The following STAU2 variants were observed in gnomAD, a reference collection of about 807,000 sequenced individuals.
STAU2 encodes double-stranded RNA-binding protein Staufen homolog 2.
A neutral mutation model predicts 65.9 loss-of-function variants in STAU2; 20 were observed. That is an observed-to-expected ratio of 0.30 (90% CI 0.21 to 0.44). The LOEUF (loss-of-function observed/expected upper bound fraction) is 0.44. Ranked by LOEUF, STAU2 falls within the 20% of genes least tolerant of loss-of-function variation. The pLI is 1.00. For synonymous variants in STAU2, 232 were observed against 233.9 expected, an observed-to-expected ratio of 0.99 and a Z score of 0.07; for missense variants, 558 against 683.9, an observed-to-expected ratio of 0.82 and a Z score of 2.05.
chr8:73,544,251 T>C (rs1249521820), intron 13 of STAU2, among the ~76,000 whole-genome samples: 1 of 152,198 alleles, frequency 6.6e-6, no homozygotes, highest in Non-Finnish European at 1.5e-5. Context: ...CCCAACAGCT[T>C]TGTCTTAACT....
chr8:73,522,222 G>A (rs73326747), intron 13 of STAU2, among the ~76,000 whole-genome samples: 15,440 of 152,116 alleles, frequency 0.1, 1,221 homozygotes, highest in East Asian at 0.45. Context: ...GTAATTAGAA[G>A]GTGACTAATG....
At chr8:73,547,304 T>C (rs1807000348) in intron 13 of STAU2, among the ~76,000 whole-genome samples, 1 of 152,164 alleles carries the variant, frequency 6.6e-6, no homozygotes, top group Non-Finnish European at 1.5e-5. Flanking sequence ...CTGTTACTCA[T>C]TGTAGTTTTT....
Position 73,485,141 on chromosome 8 carries a change from C to CTTT in STAU2, c.1531-62442_1531-62440dup, listed in dbSNP as rs10524978. Among the ~76,000 whole-genome samples the CTTT allele has an allele frequency of 4.7e-4, 39 of 82,852 alleles. 2 individuals are homozygous for CTTT. Among genetic ancestry groups the CTTT allele is most frequent in the Non-Finnish European group, 6.6e-4 (31 of 47,232 alleles). 54.4% of individuals were successfully genotyped at this position (82,852 alleles called of 152,430 possible). ...TTACCCTGAGAACTACATCCTTACT[C>CTTT]TTTTTTTTTTTTTTTTTTTTTTTTT... On this transcript the variant is annotated intron_variant, in intron 13 of 14. Coordinates refer to ENST00000524300, the MANE Select transcript of STAU2 (RefSeq NM_001164380.2).
chr8:73,485,540 C>T (rs1261402578), intron 13 of STAU2, among the ~76,000 whole-genome samples: 2 of 152,000 alleles, frequency 1.3e-5, no homozygotes, highest in South Asian at 2.1e-4. Context: ...AAGGTGGCTA[C>T]TGCAATGGGA....
intron 13 of STAU2, among the ~76,000 whole-genome samples, chr8:73,529,312 G>T (rs1284638206): frequency 6.6e-6 from 1 of 152,168 alleles, no homozygotes; most frequent in Non-Finnish European, 1.5e-5. Flanking sequence ...AATAAATGCT[G>T]GCACTAAAAT....
chr8:73,436,320 T>C (rs1817675728), intron 13 of STAU2, among the ~76,000 whole-genome samples: 1 of 151,852 alleles, frequency 6.6e-6, no homozygotes, highest in East Asian at 1.9e-4. Context: ...GACGTTTTTC[T>C]TGGGACATTT....
intron 12 of STAU2, among the ~76,000 whole-genome samples, chr8:73,567,940 T>A (rs1016426587): frequency 3.3e-5 from 5 of 152,172 alleles, no homozygotes; most frequent in African/African-American, 4.8e-5. Flanking sequence ...TAAAAACTAC[T>A]GAAATCATCA....
chr8:73,605,073 GA>G (rs1363335984), intron 9 of STAU2, among the ~76,000 whole-genome samples: 1 of 151,982 alleles, frequency 6.6e-6, no homozygotes, highest in East Asian at 1.9e-4. Flanking sequence ...ATATAGCAGT[GA>G]AAATGAATTA....
chr8:73,681,225 G>A (rs1391650756), intron 5 of STAU2, among the ~76,000 whole-genome samples: 1 of 151,976 alleles, frequency 6.6e-6, no homozygotes, highest in East Asian at 1.9e-4. Context: ...AAAAGCACCA[G>A]GTAACCTATA....
At chr8:73,599,830 C>T (rs1216984390) in intron 10 of STAU2, among the ~76,000 whole-genome samples, 1 of 151,920 alleles carries the variant, frequency 6.6e-6, no homozygotes, top group Non-Finnish European at 1.5e-5. Context: ...TGCAGTGGCG[C>T]AAACTCGGCT....
chr8:73,681,751 T>C (rs1013054609), intron 5 of STAU2, among the ~76,000 whole-genome samples: 21 of 152,030 alleles, frequency 1.4e-4, no homozygotes, highest in Non-Finnish European at 3.1e-4. Context: ...ACATAAGGAC[T>C]CACATAAACT....
At chr8:73,724,242 T>G (rs992564462) in intron 3 of STAU2, among the ~76,000 whole-genome samples, 1 of 152,178 alleles carries the variant, frequency 6.6e-6, no homozygotes, top group African/African-American at 2.4e-5. Context: ...TTTTGTTTTT[T>G]TGGAGAAGAG....
Position 73,616,338 on chromosome 8 carries a change from A to G in STAU2, c.571-556T>C, listed in dbSNP as rs534780965. Among the ~76,000 whole-genome samples the G allele has an allele frequency of 2.6e-5, 4 of 152,340 alleles. No individual in the cohort carries two copies. The East Asian group carries it at 5.8e-4, about 22-fold the overall frequency. On this transcript the variant is annotated intron_variant, in intron 7 of 14. Transcript: ENST00000524300. ...ATTCCTTGCTGTCAAGAACTGGGAGAGAATGATCTAGTGGGAAAACAGATC... is the reference window on the plus strand; with the variant it reads ...ATTCCTTGCTGTCAAGAACTGGGAGGGAATGATCTAGTGGGAAAACAGATC...
chr8:73,483,422 G>T (rs565039584), intron 13 of STAU2, among the ~76,000 whole-genome samples: 17 of 152,168 alleles, frequency 1.1e-4, no homozygotes, highest in African/African-American at 3.4e-4. Context: ...TCTTATCTAT[G>T]ATTTCAAAGG....
intron 6 of STAU2, among the ~76,000 whole-genome samples, chr8:73,646,425 C>T (rs1815377012): frequency 6.6e-6 from 1 of 152,202 alleles, no homozygotes; most frequent in African/African-American, 2.4e-5. Flanking sequence ...CAGACCCACA[C>T]TAGTGTGGCC....
At chr8:73,579,735 C>T (rs1379156989) in intron 12 of STAU2, among the ~76,000 whole-genome samples, 2 of 152,034 alleles carry the variant, frequency 1.3e-5, no homozygotes, top group Non-Finnish European at 2.9e-5. Flanking sequence ...AGGATAAAAA[C>T]ACACTTAGAA....
intron 12 of STAU2, among the ~76,000 whole-genome samples, chr8:73,578,775 A>G (rs1809768750): frequency 6.6e-6 from 1 of 152,206 alleles, no homozygotes; most frequent in Admixed American, 6.5e-5. Flanking sequence ...GTCTAAAGAA[A>G]TAATTAAGTT....
intron 13 of STAU2, among the ~76,000 whole-genome samples, chr8:73,538,916 TC>T (rs1806350558): frequency 6.6e-6 from 1 of 152,126 alleles, no homozygotes; most frequent in South Asian, 2.1e-4. Flanking sequence ...CTCAACTTTC[TC>T]CCCTATCATT....
intron 4 of STAU2, 141 bp from the exon 5 acceptor site, chr8:73,688,954 A>G: frequency 1.0e-6 from 1 of 958,908 alleles, no homozygotes. Context: ...CTGCAACAAA[A>G]TCTTACTCTA....
Sources: allele counts gnomAD v4.1 joint callset (sites outside exome capture counted in the v4.1 genomes callset), GRCh38; gene constraint gnomAD v4.1.1; transcripts MANE v1.5; gene names NCBI Gene and HGNC (gene_info 2026-07-23, HGNC 2026-07-21).